The following ABI3BP variants were observed in gnomAD, a reference collection of about 807,000 sequenced individuals.
ABI3BP encodes the protein ABI family member 3 binding protein.
ABI3BP carries 216 observed loss-of-function variants against 268.6 expected under a neutral mutation model. The observed-to-expected ratio is 0.80, with a 90% confidence interval of 0.72 to 0.90. ABI3BP has a LOEUF of 0.90. Among genes scored for constraint, ABI3BP ranks in the 40% least tolerant of loss-of-function variants. The pLI is 0.00. For synonymous variants in ABI3BP, 730 were observed against 730.0 expected (o/e 1.00, Z 0.00); for missense variants, 2,090 against 2,182.4 (o/e 0.96, Z 0.84).
In ABI3BP at chr3:100,845,564, T is replaced by A. The variant is rs185321989; in HGVS notation, c.1723+808A>T. The stretch of plus-strand genomic sequence containing the variant: ...CTTTAATAATCCTACTGTGTAAACA[T>A]GCCATTAATGGAAATGCAAGTTCAA... On this transcript the variant is annotated intron_variant, in intron 20 of 67. Transcript: ENST00000471714. 9.1e-4 allele frequency among the ~76,000 whole-genome samples: 139 copies of A among 152,306 alleles called. 3 individuals are homozygous for A. Among genetic ancestry groups the A allele is most frequent in the African/African-American group, 3.1e-3 (130 of 41,588 alleles).
chr3:100,849,958 AAAAC>A (rs1580419695), intron 17 of ABI3BP, 83 bp downstream of exon 17: 1 of 1,227,090 alleles, frequency 8.1e-7, no homozygotes, highest in East Asian at 2.5e-5. Flanking sequence ...AAACAAAAGA[AAAAC>A]AAAATTCTGA....
In ABI3BP at chr3:100,866,963, A is replaced by C. The variant is rs1390226200; in HGVS notation, c.911-7T>G. ...GCCAAGGTTTCATTCTTAGCTAAAAAGTCAGAGAACAAACAATTTATCTCA... is the reference window on the plus strand; with the variant it reads ...GCCAAGGTTTCATTCTTAGCTAAAACGTCAGAGAACAAACAATTTATCTCA... On this transcript the variant is annotated splice_polypyrimidine_tract_variant and splice_region_variant and intron_variant, in intron 9 of 67. Coordinates refer to ENST00000471714, the MANE Select transcript of ABI3BP (RefSeq NM_001375547.2). 1.9e-6 allele frequency: 3 copies of C among 1,612,934 alleles called. No homozygotes were observed. In the Admixed American group the frequency reaches 5.0e-5, roughly 27 times the overall value.
At chr3:100,989,664 C>T (rs948799362) in intron 1 of ABI3BP, among the ~76,000 whole-genome samples, 10 of 152,154 alleles carry the variant, frequency 6.6e-5, no homozygotes, top group African/African-American at 2.4e-4. Flanking sequence ...ATAGCCATTG[C>T]CTTTGGGCTA....
rs1233402196 is a variant in ABI3BP at position 100,818,524 on chromosome 3, C to T, written c.3088+1G>A. The T allele has an allele frequency of 3.0e-5, 46 of 1,533,858 alleles. No individual in the cohort carries two copies. Among genetic ancestry groups the T allele is most frequent in the Non-Finnish European group, 3.7e-5 (42 of 1,145,074 alleles). Reference sequence around the variant, plus strand: ...ATTTGAAGGACACACATTCTCATTACCCATGGTTTTTGGAGCTTCAGTTCT... The same window carrying T: ...ATTTGAAGGACACACATTCTCATTATCCATGGTTTTTGGAGCTTCAGTTCT... On this transcript the variant is annotated splice_donor_variant, in intron 41 of 67. Transcript: ENST00000471714. LOFTEE classifies it high-confidence loss of function.
intron 2 of ABI3BP, among the ~76,000 whole-genome samples, chr3:100,921,019 C>G (rs1297226949): frequency 6.6e-6 from 1 of 152,194 alleles, no homozygotes; most frequent in African/African-American, 2.4e-5. Flanking sequence ...ATTGGCACTG[C>G]ATCCTTTTCC....
At chr3:100,958,421 A>T (rs1562053570) in intron 1 of ABI3BP, among the ~76,000 whole-genome samples, 1 of 152,236 alleles carries the variant, frequency 6.6e-6, no homozygotes, top group Non-Finnish European at 1.5e-5. Context: ...ACAGTATTTT[A>T]TCCAGGACAA....
chr3:100,775,865 G>A (rs897722613), intron 59 of ABI3BP, among the ~76,000 whole-genome samples: 2 of 152,150 alleles, frequency 1.3e-5, no homozygotes, highest in African/African-American at 4.8e-5. Flanking sequence ...TTTAGGGACT[G>A]AGTCACTTGT....
At chr3:100,972,423 G>T (rs1427673976) in intron 1 of ABI3BP, among the ~76,000 whole-genome samples, 1 of 152,134 alleles carries the variant, frequency 6.6e-6, no homozygotes, top group Non-Finnish European at 1.5e-5. Flanking sequence ...CTGCAAATGT[G>T]CACTAAAACA....
intron 62 of ABI3BP, among the ~76,000 whole-genome samples, chr3:100,768,227 T>C (rs2096388026): frequency 6.6e-6 from 1 of 151,834 alleles, no homozygotes. Flanking sequence ...TAGCTGGGGC[T>C]ACAGGCGCCC....
chr3:100,758,327 G>A (rs976762124), intron 63 of ABI3BP, among the ~76,000 whole-genome samples: 11 of 152,156 alleles, frequency 7.2e-5, no homozygotes, highest in African/African-American at 2.7e-4. Context: ...AACTTCACGG[G>A]GGCTATAAAA....
Position 100,876,529 on chromosome 3 carries a change from A to G in ABI3BP, c.728T>C (p.Ile243Thr). 2 of 1,613,098 alleles carry G rather than the reference A, an allele frequency of 1.2e-6. No individual in the cohort carries two copies. The highest frequency in any genetic ancestry group is 1.7e-6 in the Non-Finnish European group (2 of 1,179,510). Residue 243 changes from isoleucine to threonine, a missense_variant, in exon 7 of 68, where the codon ATA becomes ACA. Transcript: ENST00000471714. ...PAYVPRKLIP[I>T]TIIKQVIQNV... ...CAAATTACCTTGCTTGATGATTGTT[A>G]TTGGGATTAGTTTCCTTGGGACATA...
intron 57 of ABI3BP, among the ~76,000 whole-genome samples, chr3:100,784,869 T>C (rs149576940): frequency 1.5e-3 from 233 of 152,224 alleles, no homozygotes; most frequent in African/African-American, 5.2e-3. Context: ...TACCGAACTT[T>C]AGAGACCCAG....
At chr3:100,884,628 A>G (rs931763036) in intron 6 of ABI3BP, among the ~76,000 whole-genome samples, 1 of 152,020 alleles carries the variant, frequency 6.6e-6, no homozygotes, top group Non-Finnish European at 1.5e-5. Flanking sequence ...TTAATTAGAC[A>G]TAAAAAGATG....
In ABI3BP at chr3:100,909,851, A is replaced by T. The variant is rs191733870; in HGVS notation, c.260-7165T>A. 4.3e-3 allele frequency among the ~76,000 whole-genome samples: 648 copies of T among 152,312 alleles called. 4 individuals are homozygous for T. Among genetic ancestry groups the T allele is most frequent in the African/African-American group, 0.014 (601 of 41,574 alleles). ...TAAATTAGTTCAACCACTGTGGAAG[A>T]CAGTGTGGCAATTCCTCAAGGATCT... On this transcript the variant is annotated intron_variant, in intron 2 of 67. Coordinates refer to ENST00000471714, the MANE Select transcript of ABI3BP (RefSeq NM_001375547.2).
chr3:100,831,469 T>C (rs1048808496), intron 31 of ABI3BP, among the ~76,000 whole-genome samples: 10 of 152,144 alleles, frequency 6.6e-5, no homozygotes, highest in African/African-American at 2.2e-4. Context: ...CATAAGTAGC[T>C]GAAGAACCAA....
Position 100,851,857 on chromosome 3 carries a change from T to C in ABI3BP, c.1351+18A>G. 1 of 1,569,846 alleles carries C rather than the reference T, an allele frequency of 6.4e-7. No homozygotes were observed. The highest frequency in any genetic ancestry group is 8.6e-7 in the Non-Finnish European group (1 of 1,160,916). ...GAACACCTGGGATCCAAAGACAGAATTGAGAGGCCAGATATACCTGTGTAG... is the reference window on the plus strand; with the variant it reads ...GAACACCTGGGATCCAAAGACAGAACTGAGAGGCCAGATATACCTGTGTAG... On this transcript the variant is annotated intron_variant, in intron 15 of 67. Coordinates refer to ENST00000471714, the MANE Select transcript of ABI3BP (RefSeq NM_001375547.2).
intron 65 of ABI3BP, among the ~76,000 whole-genome samples, chr3:100,753,422 A>G (rs187075085): frequency 3.9e-4 from 60 of 152,048 alleles, no homozygotes; most frequent in African/African-American, 1.4e-3. Flanking sequence ...AGTAGCTAGG[A>G]CCACAGGTGT....
intron 55 of ABI3BP, among the ~76,000 whole-genome samples, chr3:100,791,893 T>A (rs2097205767): frequency 6.6e-6 from 1 of 151,864 alleles, no homozygotes; most frequent in African/African-American, 2.4e-5. Context: ...TCCCACCAAC[T>A]TTCCCCCTCA....
intron 21 of ABI3BP, 100 bp downstream of exon 21, chr3:100,841,898 G>C: frequency 2.2e-6 from 2 of 900,906 alleles, no homozygotes; most frequent in Admixed American, 3.5e-5. Flanking sequence ...TTCATCTGGA[G>C]AAGAAAAAAA....
Sources: allele counts gnomAD v4.1 joint callset (sites outside exome capture counted in the v4.1 genomes callset), GRCh38; gene constraint gnomAD v4.1.1; transcripts MANE v1.5; gene names NCBI Gene and HGNC (gene_info 2026-07-23, HGNC 2026-07-21).